The following PRR16 variants were observed in gnomAD, a reference collection of about 807,000 sequenced individuals.
PRR16 encodes proline rich 16.
Under a neutral mutation model 18.2 loss-of-function variants are expected in PRR16, and 6 were observed. The observed-to-expected ratio is 0.33, with a 90% CI of 0.18 to 0.65. The LOEUF is 0.65. Ranked by LOEUF, PRR16 falls within the 30% of genes least tolerant of loss-of-function variation. PRR16 has a pLI of 0.74. For synonymous variants in PRR16, 151 were observed against 147.8 expected (o/e 1.02, Z -0.16); for missense variants, 412 against 376.6 (o/e 1.09, Z -0.78).
intron 1 of PRR16, among the ~76,000 whole-genome samples, chr5:120,579,755 G>GT (rs1009638952): frequency 5.6e-4 from 86 of 152,222 alleles, no homozygotes; most frequent in African/African-American, 2.0e-3. Context: ...ATTTAAAATA[G>GT]TTTTTTTCTA....
At chr5:120,502,951 C>T (rs781566079) in intron 1 of PRR16, among the ~76,000 whole-genome samples, 12 of 152,104 alleles carry the variant, frequency 7.9e-5, no homozygotes, top group Non-Finnish European at 1.5e-4. Context: ...TATAGCTCAG[C>T]AAACCTAGGA....
chr5:120,741,566 A>G, the PRR16 span, among the ~76,000 whole-genome samples: 1 of 152,232 alleles, frequency 6.6e-6, no homozygotes, highest in East Asian at 1.9e-4. Flanking sequence ...AGCATTCAAT[A>G]TTTCATCATT....
chr5:120,608,378 G>T (rs1754225705), intron 1 of PRR16, among the ~76,000 whole-genome samples: 1 of 152,236 alleles, frequency 6.6e-6, no homozygotes, highest in East Asian at 1.9e-4. Context: ...TCCTATGTAG[G>T]AATGTTGAAA....
At chr5:120,606,643 C>A (rs549469532) in intron 1 of PRR16, among the ~76,000 whole-genome samples, 30 of 152,074 alleles carry the variant, frequency 2.0e-4, no homozygotes, top group African/African-American at 6.3e-4. Context: ...TGGTTCTTGC[C>A]TATAATCCCA....
chr5:120,762,477 G>T, the PRR16 span, among the ~76,000 whole-genome samples: 13 of 152,178 alleles, frequency 8.5e-5, no homozygotes, highest in African/African-American at 3.1e-4. Flanking sequence ...GATTAAATAT[G>T]TTGACTAATG....
chr5:120,768,568 A>G, the PRR16 span, among the ~76,000 whole-genome samples: 22 of 151,850 alleles, frequency 1.4e-4, no homozygotes, highest in South Asian at 4.6e-3. Context: ...CTCAATAAGT[A>G]TGGGGAGAAT....
chr5:120,791,989 G>A, the PRR16 span, among the ~76,000 whole-genome samples: 1 of 152,120 alleles, frequency 6.6e-6, no homozygotes. Flanking sequence ...CAAATTGCCA[G>A]TTCCTGTGAG....
chr5:120,663,567 G>A lies in PRR16; in HGVS notation c.160-22387G>A, dbSNP rs573004349. Among the ~76,000 whole-genome samples the A allele has an allele frequency of 5.9e-5, 9 of 152,208 alleles. No individual in the cohort carries two copies. The South Asian group carries it at 1.9e-3, about 32-fold the overall frequency. Reference sequence around the variant, plus strand: ...TTTTCCTTTGTTATTACTTCCTAGAGATTTCATTCTTCATCATGCCATCTT... The same window carrying A: ...TTTTCCTTTGTTATTACTTCCTAGAAATTTCATTCTTCATCATGCCATCTT... On this transcript the variant is annotated intron_variant, in intron 1 of 1. Transcript: ENST00000407149.
At chr5:120,696,756 G>A in the PRR16 span, among the ~76,000 whole-genome samples, 6 of 151,996 alleles carry the variant, frequency 3.9e-5, no homozygotes, top group South Asian at 2.1e-4. Context: ...AGAAGGAGAG[G>A]AAGTGAAAAA....
intron 1 of PRR16, among the ~76,000 whole-genome samples, chr5:120,601,129 T>C (rs1193389516): frequency 1.3e-5 from 2 of 151,912 alleles, no homozygotes; most frequent in Non-Finnish European, 2.9e-5. Flanking sequence ...TTCTGTTTTA[T>C]GTTCTTTGAG....
chr5:120,615,123 C>T (rs771188522), intron 1 of PRR16, among the ~76,000 whole-genome samples: 5 of 151,928 alleles, frequency 3.3e-5, no homozygotes, highest in Middle Eastern at 3.2e-3. Context: ...CATATATTAA[C>T]TTAGTTAACT....
At chr5:120,654,446 C>A (rs1755898873) in intron 1 of PRR16, among the ~76,000 whole-genome samples, 1 of 151,416 alleles carries the variant, frequency 6.6e-6, no homozygotes. Flanking sequence ...TAACAAACTA[C>A]TTGACACATA....
intron 1 of PRR16, among the ~76,000 whole-genome samples, chr5:120,648,157 G>A (rs1470628): frequency 0.98 from 149,244 of 152,214 alleles, 73,233 homozygotes; most frequent in East Asian, 1. Flanking sequence ...GATGTTATAC[G>A]TTGTAGTCAC....
At chr5:120,585,444 T>A (rs1401427236) in intron 1 of PRR16, among the ~76,000 whole-genome samples, 6 of 151,964 alleles carry the variant, frequency 3.9e-5, no homozygotes, top group Non-Finnish European at 8.8e-5. Flanking sequence ...ACCCCGCTTC[T>A]ACTAAAAATA....
intron 1 of PRR16, among the ~76,000 whole-genome samples, chr5:120,615,062 T>G (rs968894963): frequency 1.5e-5 from 2 of 131,840 alleles, no homozygotes; most frequent in Non-Finnish European, 3.4e-5. Flanking sequence ...GAAAAAAAAA[T>G]AGCAAACATT....
chr5:120,468,479 A>G (rs550593114), intron 1 of PRR16, among the ~76,000 whole-genome samples: 1 of 152,328 alleles, frequency 6.6e-6, no homozygotes, highest in Non-Finnish European at 1.5e-5. Flanking sequence ...TTGAAAAAAA[A>G]GAAGAAAATA....
chr5:120,647,014 A>G (rs979792311), intron 1 of PRR16, among the ~76,000 whole-genome samples: 3 of 151,968 alleles, frequency 2.0e-5, no homozygotes, highest in Admixed American at 2.0e-4. Flanking sequence ...TTCCTGAGTC[A>G]TTTATATTAA....
At chr5:120,734,346 T>C in the PRR16 span, among the ~76,000 whole-genome samples, 13 of 152,190 alleles carry the variant, frequency 8.5e-5, no homozygotes, top group Non-Finnish European at 1.5e-4. Context: ...TCTGTGTGTG[T>C]GTGTATGTGT....
chr5:120,489,769 A>G (rs1222026256), intron 1 of PRR16, among the ~76,000 whole-genome samples: 1 of 152,100 alleles, frequency 6.6e-6, no homozygotes, highest in African/African-American at 2.4e-5. Context: ...ACAATTTGGC[A>G]TGTTTTTGCA....
Sources: gnomAD v4.1 joint callset for allele counts (sites outside exome capture counted in the v4.1 genomes callset) on GRCh38, gnomAD v4.1.1 for gene constraint, MANE v1.5 for transcripts, NCBI Gene and HGNC (gene_info 2026-07-23, HGNC 2026-07-21) for gene names.